The following DPP6 variants were observed in gnomAD, a reference collection of about 807,000 sequenced individuals.
DPP6 encodes the protein A-type potassium channel modulatory protein DPP6.
In DPP6, 69 loss-of-function variants were observed where a neutral mutation model predicts 122.6. The observed-to-expected ratio is 0.56, with a 90% CI of 0.46 to 0.69. The LOEUF (loss-of-function observed/expected upper bound fraction) is 0.69. DPP6 is among the 30% of genes least tolerant of loss of function. The pLI is 0.00. For synonymous variants in DPP6, 418 were observed against 433.1 expected (o/e 0.97, Z 0.43); for missense variants, 928 against 1,116.9 (o/e 0.83, Z 2.41).
In DPP6 at chr7:154,127,597, T is replaced by TCTCACACACACA. The variant is rs1438098845; in HGVS notation, c.243+74535_243+74536insTCACACACACAC. Among the ~76,000 whole-genome samples, 136 of 136,800 alleles carry TCTCACACACACA rather than the reference T, an allele frequency of 9.9e-4. 1 individual carries two copies. Among genetic ancestry groups the TCTCACACACACA allele is most frequent in the African/African-American group, 3.9e-3 (127 of 32,598 alleles). 89.7% of individuals were successfully genotyped at this position (136,800 alleles called of 152,430 possible). A position where few individuals can be genotyped will look rare whatever the true frequency, so the allele number is the denominator to read the frequency against. On this transcript the variant is annotated intron_variant, in intron 1 of 25. Coordinates refer to ENST00000377770, the MANE Select transcript of DPP6 (RefSeq NM_130797.4). ...AGTTGGGGTAAACAGGAGCAGCATC[T>TCTCACACACACA]CACACACACACACACACACACACAC...
At chr7:153,932,623 C>T (rs1198484957) in intron 1 of DPP6, among the ~76,000 whole-genome samples, 1 of 152,162 alleles carries the variant, frequency 6.6e-6, no homozygotes, top group Non-Finnish European at 1.5e-5. Context: ...AGGCATTGTT[C>T]ATTAAACTTC....
intron 1 of DPP6, among the ~76,000 whole-genome samples, chr7:153,921,041 T>C (rs529424996): frequency 6.6e-6 from 1 of 152,272 alleles, no homozygotes; most frequent in South Asian, 2.1e-4. Context: ...ATTGAATTCC[T>C]TGCTCTATAG....
At chr7:154,042,108 C>A (rs1424083749) in intron 1 of DPP6, among the ~76,000 whole-genome samples, 1 of 152,116 alleles carries the variant, frequency 6.6e-6, no homozygotes, top group Non-Finnish European at 1.5e-5. Context: ...CAAATCCTCA[C>A]ACAACTATGT....
chr7:153,764,280 G>T, the DPP6 span, among the ~76,000 whole-genome samples: 1 of 152,028 alleles, frequency 6.6e-6, no homozygotes, highest in Non-Finnish European at 1.5e-5. Context: ...CCTTCTCTTG[G>T]CCCCCTTCCT....
chr7:154,156,266 G>A (rs1465871214), intron 1 of DPP6, among the ~76,000 whole-genome samples: 1 of 152,282 alleles, frequency 6.6e-6, no homozygotes, highest in African/African-American at 2.4e-5. Flanking sequence ...AGGATGCTGT[G>A]AGACTGGGTC....
intron 7 of DPP6, among the ~76,000 whole-genome samples, chr7:154,703,647 C>G (rs1004352633): frequency 4.7e-5 from 7 of 148,490 alleles, no homozygotes; most frequent in Admixed American, 6.7e-5. Flanking sequence ...AAAAGAAATA[C>G]ATTTCATAGG....
At chr7:154,365,862 G>A (rs552162897) in intron 1 of DPP6, among the ~76,000 whole-genome samples, 20 of 151,522 alleles carry the variant, frequency 1.3e-4, no homozygotes, top group African/African-American at 4.4e-4. Flanking sequence ...GGAGGCTGAA[G>A]CAGGAGAATG....
intron 1 of DPP6, among the ~76,000 whole-genome samples, chr7:154,004,617 T>C (rs978852428): frequency 1.3e-5 from 2 of 151,338 alleles, no homozygotes; most frequent in African/African-American, 4.9e-5. Flanking sequence ...CAATGATAAA[T>C]CGTTGTTCTT....
chr7:154,063,238 A>T (rs1802305978), intron 1 of DPP6, among the ~76,000 whole-genome samples: 1 of 129,486 alleles, frequency 7.7e-6, no homozygotes, highest in Non-Finnish European at 1.7e-5. Context: ...ACTGAGAGCC[A>T]GCCCCTATTC....
chr7:154,387,147 G>A (rs1010513541), intron 1 of DPP6, among the ~76,000 whole-genome samples: 2 of 152,130 alleles, frequency 1.3e-5, no homozygotes, highest in Admixed American at 1.3e-4. Flanking sequence ...TCTAGAACTA[G>A]GTCATTCTTG....
At position 154,427,811 on chromosome 7, in the gene DPP6, T is replaced by G. The variant is rs1818038828; in HGVS notation, c.244-18403T>G. On this transcript the variant is annotated intron_variant, in intron 1 of 25. Coordinates refer to ENST00000377770, the MANE Select transcript of DPP6 (RefSeq NM_130797.4). The stretch of plus-strand genomic sequence containing the variant: ...GCAGCCTTCAGACACTAGGCATGCA[T>G]TCAGCATTGGAATAAATAGGATAGC... Among the ~76,000 whole-genome samples the G allele has an allele frequency of 2.6e-5, 4 of 152,210 alleles. No homozygotes were observed. In the South Asian group the frequency reaches 8.3e-4, roughly 31 times the overall value.
intron 8 of DPP6, among the ~76,000 whole-genome samples, chr7:154,741,369 C>T (rs772098630): frequency 6.6e-6 from 1 of 152,324 alleles, no homozygotes; most frequent in African/African-American, 2.4e-5. Flanking sequence ...CTCAGGCCTA[C>T]GATTAGCCCC....
intron 1 of DPP6, among the ~76,000 whole-genome samples, chr7:153,983,928 C>T (rs1234467252): frequency 6.6e-6 from 1 of 152,038 alleles, no homozygotes; most frequent in African/African-American, 2.4e-5. Context: ...GTTGGAAATG[C>T]AGAAATCACC....
intron 1 of DPP6, among the ~76,000 whole-genome samples, chr7:154,169,703 C>T (rs1797438972): frequency 6.6e-6 from 1 of 152,022 alleles, no homozygotes; most frequent in South Asian, 2.1e-4. Context: ...GTCCAAGGTC[C>T]TGTAATAGCT....
chr7:154,405,264 T>C (rs1815985739), intron 1 of DPP6, among the ~76,000 whole-genome samples: 3 of 152,122 alleles, frequency 2.0e-5, no homozygotes, highest in Admixed American at 2.0e-4. Context: ...CCAGATCCAG[T>C]GAAAAGGAAA....
chr7:154,035,066 C>T (rs565322071), intron 1 of DPP6, among the ~76,000 whole-genome samples: 1 of 152,146 alleles, frequency 6.6e-6, no homozygotes, highest in East Asian at 1.9e-4. Context: ...CCTGAGGCAC[C>T]TGAACCCAGC....
intron 1 of DPP6, among the ~76,000 whole-genome samples, chr7:154,197,143 A>G (rs1798909841): frequency 6.6e-6 from 1 of 151,904 alleles, no homozygotes; most frequent in African/African-American, 2.4e-5. Flanking sequence ...TCTGCCACCC[A>G]CGGCACAGCC....
In DPP6 at chr7:153,937,891, C is replaced by T. The variant is rs377724894; in HGVS notation, c.51+50157C>T. Among the ~76,000 whole-genome samples, 15 of 152,262 alleles carry T rather than the reference C, an allele frequency of 9.9e-5. No homozygotes were observed. The East Asian group carries it at 1.7e-3, about 18-fold the overall frequency. ...CCCACTGCATCACGTGAAGCAAGAA[C>T]GCACCCTTTGGTTAAGCCTGTTGGA... On this transcript the variant is annotated intron_variant, in intron 1 of 25. Coordinates refer to the DPP6 transcript ENST00000404039.
At chr7:154,659,316 C>A (rs1442230942) in intron 6 of DPP6, among the ~76,000 whole-genome samples, 1 of 152,168 alleles carries the variant, frequency 6.6e-6, no homozygotes, top group Non-Finnish European at 1.5e-5. Context: ...AAAGAAATTA[C>A]ATATAGATAG....
Sources: gnomAD v4.1 joint callset for allele counts (sites outside exome capture counted in the v4.1 genomes callset) on GRCh38, gnomAD v4.1.1 for gene constraint, MANE v1.5 for transcripts, NCBI Gene and HGNC (gene_info 2026-07-23, HGNC 2026-07-21) for gene names.